The following TRMT61A variants were observed in gnomAD, a reference collection of about 807,000 sequenced individuals.
TRMT61A encodes tRNA (adenine(58)-N(1))-methyltransferase catalytic subunit TRMT61A.
TRMT61A carries 15 observed loss-of-function variants against 21.3 expected under a neutral mutation model. The ratio of observed to expected loss-of-function variants is 0.70; its 90% CI spans 0.47 to 1.08. The LOEUF (loss-of-function observed/expected upper bound fraction) is 1.08. Ranked by LOEUF, TRMT61A falls within the 50% of genes least tolerant of loss-of-function variation. TRMT61A has a pLI of 0.00. For missense variants in TRMT61A, 352 were observed against 426.7 expected, an observed-to-expected ratio of 0.83 and a Z score of 1.54; for synonymous variants, 183 against 185.5, an observed-to-expected ratio of 0.99 and a Z score of 0.11.
chr14:103,533,655 T>G (rs2075962646), intron 3 of TRMT61A, among the ~76,000 whole-genome samples: 1 of 152,158 alleles, frequency 6.6e-6, no homozygotes. Context: ...CCTTTGTGAC[T>G]CCTTCCTCCA....
rs1464841410 is a variant in TRMT61A, at chr14:103,534,748, G to A, written c.797G>A (p.Arg266His). The A allele has an allele frequency of 2.6e-5, 41 of 1,591,642 alleles. No homozygotes were observed. Among genetic ancestry groups the A allele is most frequent in the Non-Finnish European group, 3.2e-5 (38 of 1,172,748 alleles). Residue 266 changes from arginine (R) to histidine (H), a missense_variant, in exon 4 of 4, where the codon CGC becomes CAC. Transcript: ENST00000389749. ...GCCGGCTCCGACACCAGCCCCTTCC[G>A]CAGCGGCACGCCCATGAAGGAGGCC... Reference protein sequence around the residue: ...GPAGSDTSPFRSGTPMKEAVG... With the variant: ...GPAGSDTSPFHSGTPMKEAVG...
Position 103,529,991 on chromosome 14 carries a change from G to T in TRMT61A, c.13G>T (p.Ala5Ser). Residue 5 changes from alanine to serine, a missense_variant, in exon 2 of 4, where the codon GCA becomes TCA. Physicochemically the swap from Ala to Ser is moderately conservative, Grantham distance 99. Coordinates refer to ENST00000389749, the MANE Select transcript of TRMT61A (RefSeq NM_152307.3). MSFV[A>S]YEELIKEGDT... ...AGACATTAGCACCATGAGCTTCGTG[G>T]CATACGAGGAGCTGATCAAGGAGGG... 6.2e-7 allele frequency: 1 copy of T among 1,606,902 alleles called. No individual in the cohort carries two copies.
intron 2 of TRMT61A, 116 bp downstream of exon 2, chr14:103,530,425 T>A: frequency 1.1e-6 from 1 of 935,786 alleles, no homozygotes; most frequent in Non-Finnish European, 1.6e-6. Context: ...TATTTTCACA[T>A]CTTTCCGGGA....
chr14:103,532,725 G>C lies in TRMT61A; in HGVS notation c.475G>C (p.Val159Leu). 1 of 1,610,986 alleles carries C rather than the reference G, an allele frequency of 6.2e-7. No individual in the cohort carries two copies. Among genetic ancestry groups the C allele is most frequent in the Non-Finnish European group, 8.5e-7 (1 of 1,179,010 alleles). ...GCACCGTGTGGGCCGCTGGGTGACT[G>C]TGCGCACCCAGGACGTGTGCCGCAG... ...QEHRVGRWVT[V>L]RTQDVCRSGF... Residue 159 changes from valine to leucine, a missense_variant, in exon 3 of 4, where the codon GTG becomes CTG. Transcript: ENST00000389749.
At chr14:103,529,423 G>C (rs990630402) in intron 1 of TRMT61A, among the ~76,000 whole-genome samples, 162 bp downstream of exon 1, 1 of 152,246 alleles carries the variant, frequency 6.6e-6, no homozygotes, top group Non-Finnish European at 1.5e-5. Flanking sequence ...TTGCGTGGAC[G>C]GCCAGCTCCG....
chr14:103,531,734 G>A lies in TRMT61A; in HGVS notation c.332-848G>A, dbSNP rs1013127028. Among the ~76,000 whole-genome samples, 2 of 152,186 alleles carry A rather than the reference G, an allele frequency of 1.3e-5. No individual in the cohort carries two copies. Among genetic ancestry groups the A allele is most frequent in the South Asian group, 2.1e-4 (1 of 4,830 alleles). On this transcript the variant is annotated intron_variant, in intron 2 of 3. Transcript: ENST00000389749. The surrounding 1 kb of genome is among the most constrained non-coding windows in gnomAD (Gnocchi z 5.1). ...CCATGGGTCTGGCCCAAGCACTTGC[G>A]ATGCTCAGCGCTATTTGGGTTCCAG...
rs752200679 is a variant in TRMT61A at position 103,534,659 on chromosome 14, G to T, written c.708G>T (p.Gln236His). The T allele has an allele frequency of 1.7e-5, 28 of 1,611,282 alleles. No homozygotes were observed. Among genetic ancestry groups the T allele is most frequent in the Non-Finnish European group, 2.2e-5 (26 of 1,179,700 alleles). Residue 236 changes from glutamine to histidine, a missense_variant, in exon 4 of 4, where the codon CAG (glutamine) becomes CAT (histidine). Gln to His is a conservative substitution (Grantham distance 24). Coordinates refer to ENST00000389749, the MANE Select transcript of TRMT61A (RefSeq NM_152307.3). ...TGAGCACCCTGGAGGTGCTGCCACAGGTCTACAACGTGCGCACTGTCAGCC... is the reference window on the plus strand; with the variant it reads ...TGAGCACCCTGGAGGTGCTGCCACATGTCTACAACGTGCGCACTGTCAGCC... The part of the protein sequence containing the change: ...SELSTLEVLP[Q>H]VYNVRTVSLP...
chr14:103,529,372 CGGCCT>C (rs1471470728), intron 1 of TRMT61A, 111 bp downstream of exon 1: 4 of 182,764 alleles, frequency 2.2e-5, no homozygotes, highest in South Asian at 7.3e-5. Flanking sequence ...CCCGCCGGCC[CGGCCT>C]GGCCCCTTGT....
rs193272536 is a variant in TRMT61A, at chr14:103,535,680, A to G, written c.*859A>G. 43 of 290,174 alleles carry G rather than the reference A, an allele frequency of 1.5e-4. No homozygotes were observed. In the East Asian group the frequency reaches 3.3e-3, roughly 22 times the overall value. The allele number at this position is 290,174 out of a possible 1,614,324, so 18.0% of individuals were successfully genotyped here. A position where few individuals can be genotyped will look rare whatever the true frequency, so the allele number is the denominator to read the frequency against. Reference sequence around the variant, plus strand: ...AAGGGCATGGAGGAGGTCCCTCCACAGTGACAACGGTGTGGGGTAGGGGAG... The same window carrying G: ...AAGGGCATGGAGGAGGTCCCTCCACGGTGACAACGGTGTGGGGTAGGGGAG... On this transcript the variant is annotated 3_prime_UTR_variant, in exon 4 of 4. Coordinates refer to ENST00000389749, the MANE Select transcript of TRMT61A (RefSeq NM_152307.3).
intron 2 of TRMT61A, 47 bp from the exon 3 acceptor site, chr14:103,532,535 C>T (rs762214171): frequency 1.5e-5 from 24 of 1,611,382 alleles, no homozygotes; most frequent in East Asian, 8.9e-5. Context: ...CTGTGGGTCC[C>T]GAGCAGTCCC....
At chr14:103,532,085 T>A (rs1290742916) in intron 2 of TRMT61A, among the ~76,000 whole-genome samples, 1 of 151,418 alleles carries the variant, frequency 6.6e-6, no homozygotes, top group Non-Finnish European at 1.5e-5. Flanking sequence ...GGGGGTGGGC[T>A]GTCTCAAGGG....
At chr14:103,529,577 C>T (rs1048056726) in intron 1 of TRMT61A, among the ~76,000 whole-genome samples, 4 of 152,256 alleles carry the variant, frequency 2.6e-5, no homozygotes, top group Non-Finnish European at 5.9e-5. Flanking sequence ...CGGTGGACAC[C>T]TCGCAAAGGC....
chr14:103,534,585 C>T lies in TRMT61A; in HGVS notation c.634C>T (p.Gln212Ter), dbSNP rs756650011. The change falls in exon 4 of 4, where the codon CAG (glutamine) becomes TAG (stop). Residue 212 changes from glutamine to a stop codon, truncating the protein, a stop_gained. Transcript: ENST00000389749. LOFTEE classifies it high-confidence loss of function. ...CTGCTCCTTCTCACCGTGCATCGAGCAGGTGCAACGCACATGCCAGGCGCT... is the reference window on the plus strand; with the variant it reads ...CTGCTCCTTCTCACCGTGCATCGAGTAGGTGCAACGCACATGCCAGGCGCT... ...RFCSFSPCIE[Q>*]VQRTCQALAA... 1 of 1,587,474 alleles carries T rather than the reference C, an allele frequency of 6.3e-7. No homozygotes were observed. Among genetic ancestry groups the T allele is most frequent in the Non-Finnish European group, 8.6e-7 (1 of 1,163,056 alleles).
In TRMT61A at chr14:103,535,228, G is replaced by A. The variant is rs1413152807; in HGVS notation, c.*407G>A. 1.5e-5 allele frequency: 7 copies of A among 467,404 alleles called. No individual in the cohort carries two copies. Among genetic ancestry groups the A allele is most frequent in the Admixed American group, 7.1e-5 (3 of 42,310 alleles). 29.0% of individuals were successfully genotyped at this position (467,404 alleles called of 1,614,324 possible). On this transcript the variant is annotated 3_prime_UTR_variant, in exon 4 of 4. Coordinates refer to ENST00000389749, the MANE Select transcript of TRMT61A (RefSeq NM_152307.3). ...CTGCGTCTGACCCCTGGGCCCCCAC[G>A]GCCCTGGCTGCCCCACGGGGCCTGA...
At chr14:103,530,822 T>A (rs745591907) in intron 2 of TRMT61A, among the ~76,000 whole-genome samples, 1 of 152,216 alleles carries the variant, frequency 6.6e-6, no homozygotes, top group African/African-American at 2.4e-5. Context: ...CCTGCACATA[T>A]ACAGGTGCTG....
chr14:103,532,516 C>T, intron 2 of TRMT61A, 66 bp from the exon 3 acceptor site: 1 of 1,601,642 alleles, frequency 6.2e-7, no homozygotes, highest in Non-Finnish European at 8.5e-7. Context: ...GGGGTTGTTT[C>T]CTGGGAGGCT....
In TRMT61A at chr14:103,531,804, A is replaced by G. The variant is rs1453811090; in HGVS notation, c.332-778A>G. Among the ~76,000 whole-genome samples, 1 of 152,120 alleles carries G rather than the reference A, an allele frequency of 6.6e-6. No individual in the cohort carries two copies. The highest frequency in any genetic ancestry group is 1.5e-5 in the Non-Finnish European group (1 of 68,002). ...AGTGGCTGCTCTAGCAGGAGTCTCC[A>G]GTGGAGGGGCCTGGGGATGGGAGTG... On this transcript the variant is annotated intron_variant, in intron 2 of 3. Transcript: ENST00000389749. The surrounding 1 kb of genome is among the most constrained non-coding windows in gnomAD (Gnocchi z 5.1).
intron 2 of TRMT61A, among the ~76,000 whole-genome samples, chr14:103,532,363 C>T (rs1291000401): frequency 6.6e-6 from 1 of 152,184 alleles, no homozygotes; most frequent in Admixed American, 6.5e-5. Context: ...CACAGCCTGT[C>T]AACCCCAGCT....
At chr14:103,534,050 G>A (rs546688079) in intron 3 of TRMT61A, among the ~76,000 whole-genome samples, 2 of 152,356 alleles carry the variant, frequency 1.3e-5, no homozygotes, top group Admixed American at 1.3e-4. Flanking sequence ...GAAGCCCGTG[G>A]CTGCCCTGGT....
Sources: allele counts gnomAD v4.1 joint callset (sites outside exome capture counted in the v4.1 genomes callset), GRCh38; gene constraint gnomAD v4.1.1; non-coding constraint Gnocchi (gnomAD v3.1); transcripts MANE v1.5; gene names NCBI Gene and HGNC (gene_info 2026-07-23, HGNC 2026-07-21).